Variants in ZBTB49 observed in about 807,000 individuals in gnomAD.
The protein encoded by ZBTB49 is zinc finger and BTB domain containing 49, also known as zinc finger and BTB domain-containing protein 49.
Under a neutral mutation model 57.5 loss-of-function variants are expected in ZBTB49, and 43 were observed. The observed-to-expected ratio is 0.75, with a 90% confidence interval of 0.59 to 0.97. The LOEUF is 0.97. ZBTB49 is among the 50% of genes least tolerant of loss of function. ZBTB49 has a pLI of 0.00. For synonymous variants in ZBTB49, 369 were observed against 362.1 expected (o/e 1.02, Z -0.22); for missense variants, 938 against 947.7 (o/e 0.99, Z 0.13).
chr4:4,321,595 G>T lies in ZBTB49; in HGVS notation c.*279G>T. 2.0e-6 allele frequency: 1 copy of T among 502,056 alleles called. No individual in the cohort carries two copies. The highest frequency in any genetic ancestry group is 3.5e-6 in the Non-Finnish European group (1 of 282,248). 31.1% of individuals were successfully genotyped at this position (502,056 alleles called of 1,614,324 possible). On this transcript the variant is annotated 3_prime_UTR_variant, in exon 8 of 8. Coordinates refer to ENST00000337872, the MANE Select transcript of ZBTB49 (RefSeq NM_145291.4). ...GCAGCCTCAGCTGTGGGGGGGAAGC[G>T]CGTGTGCATCGTGTCAACTACTGTA... is the stretch of plus-strand genomic sequence containing the variant.
intron 5 of ZBTB49, among the ~76,000 whole-genome samples, chr4:4,315,413 G>A (rs1273861510): frequency 6.6e-6 from 1 of 152,046 alleles, no homozygotes; most frequent in African/African-American, 2.4e-5. Context: ...AAATCAGGTA[G>A]AAAAAAATGC....
chr4:4,299,274 A>C lies in ZBTB49; in HGVS notation c.-19-653A>C, dbSNP rs553254476. Reference sequence around the variant, plus strand: ...TTCCCTTCCTTCAGGCATCTGACCAAGTAGCCTCTTAGGGAGGCACAAAGG... The same window carrying C: ...TTCCCTTCCTTCAGGCATCTGACCACGTAGCCTCTTAGGGAGGCACAAAGG... On this transcript the variant is annotated intron_variant, in intron 1 of 7. Transcript: ENST00000337872. Among the ~76,000 whole-genome samples, 6 of 151,050 alleles carry C rather than the reference A, an allele frequency of 4.0e-5. No homozygotes were observed. In the East Asian group the frequency reaches 1.5e-3, roughly 37 times the overall value.
At chr4:4,316,986 C>T (rs767612882) in intron 7 of ZBTB49, among the ~76,000 whole-genome samples, 3 of 152,194 alleles carry the variant, frequency 2.0e-5, no homozygotes, top group African/African-American at 4.8e-5. Context: ...TGCAGTGAGC[C>T]GAGATTGCAC....
intron 4 of ZBTB49, among the ~76,000 whole-genome samples, chr4:4,308,279 A>T (rs1232623060): frequency 6.6e-6 from 1 of 152,130 alleles, no homozygotes; most frequent in East Asian, 1.9e-4. Context: ...GGGTTTCACC[A>T]TGTTGGCCAG....
At chr4:4,299,771 A>G (rs1232847263) in intron 1 of ZBTB49, among the ~76,000 whole-genome samples, 156 bp from the exon 2 acceptor site, 1 of 114,612 alleles carries the variant, frequency 8.7e-6, no homozygotes, top group East Asian at 2.5e-4. Context: ...TGCCTCAGAA[A>G]CAGAGGTGTG....
At chr4:4,318,416 G>C (rs1386594083) in intron 7 of ZBTB49, among the ~76,000 whole-genome samples, 3 of 152,162 alleles carry the variant, frequency 2.0e-5, no homozygotes, top group African/African-American at 7.2e-5. Context: ...AGGAGTTTGA[G>C]ACCAGCCTGG....
chr4:4,314,157 C>T (rs1285471213), intron 5 of ZBTB49, among the ~76,000 whole-genome samples: 6 of 152,318 alleles, frequency 3.9e-5, no homozygotes, highest in African/African-American at 1.2e-4. Flanking sequence ...CGGCGGGCAG[C>T]GCATCTCCCT....
chr4:4,318,354 G>A (rs571500863), intron 7 of ZBTB49, among the ~76,000 whole-genome samples: 86 of 152,306 alleles, frequency 5.6e-4, no homozygotes, highest in Non-Finnish European at 1.0e-3. Flanking sequence ...GGTGGCTCAC[G>A]CCTGTAATCC....
intron 1 of ZBTB49, among the ~76,000 whole-genome samples, chr4:4,296,420 G>T (rs541482159): frequency 9.2e-5 from 14 of 152,288 alleles, no homozygotes; most frequent in African/African-American, 3.4e-4. Context: ...TCTTTCCCAC[G>T]CTGTTCTCAT....
intron 7 of ZBTB49, 136 bp from the exon 8 acceptor site, chr4:4,320,504 G>A (rs888128370): frequency 1.0e-6 from 1 of 976,746 alleles, no homozygotes. Flanking sequence ...GCCAGGCGTG[G>A]TGTCATGCGC....
intron 1 of ZBTB49, among the ~76,000 whole-genome samples, chr4:4,293,957 C>T (rs958787945): frequency 5.3e-5 from 8 of 152,252 alleles, no homozygotes; most frequent in African/African-American, 1.9e-4. Flanking sequence ...GACTCCACTA[C>T]CCCATGGGAG....
chr4:4,299,808 TGTGA>T (rs1553803895), intron 1 of ZBTB49, 115 bp from the exon 2 acceptor site: 3 of 711,832 alleles, frequency 4.2e-6, no homozygotes, highest in Admixed American at 5.2e-5. Flanking sequence ...TGTGTGTGTG[TGTGA>T]GAGAGAAACT....
At chr4:4,303,465 T>G (rs1041747038) in intron 3 of ZBTB49, among the ~76,000 whole-genome samples, 1 of 152,198 alleles carries the variant, frequency 6.6e-6, no homozygotes, top group Non-Finnish European at 1.5e-5. Flanking sequence ...ATTAAGCTTA[T>G]TTTTTGAAAG....
At position 4,299,778 on chromosome 4, in the gene ZBTB49, TGTGTG is replaced by T. The variant is rs1560106240; in HGVS notation, c.-19-148_-19-144del. On this transcript the variant is annotated intron_variant, in intron 1 of 7. Coordinates refer to ENST00000337872, the MANE Select transcript of ZBTB49 (RefSeq NM_145291.4). ...GGTCTAGATGCCTCAGAAACAGAGGTGTGTGTGTGTGTGTGTGTGTGTGTGTGTGT... is the reference window on the plus strand; with the variant it reads ...GGTCTAGATGCCTCAGAAACAGAGGTTGTGTGTGTGTGTGTGTGTGTGTGT... 1,196 of 516,354 alleles carry T rather than the reference TGTGTG, an allele frequency of 2.3e-3. 18 individuals are homozygous for T. Among genetic ancestry groups the T allele is most frequent in the Non-Finnish European group, 3.3e-3 (978 of 295,782 alleles). 32.0% of individuals were successfully genotyped at this position (516,354 alleles called of 1,614,324 possible).
chr4:4,320,462 AC>A (rs1162540165), intron 7 of ZBTB49, among the ~76,000 whole-genome samples, 177 bp from the exon 8 acceptor site: 1 of 151,854 alleles, frequency 6.6e-6, no homozygotes, highest in Non-Finnish European at 1.5e-5. Flanking sequence ...TCATAGCAAG[AC>A]CCTGTCTCTA....
At chr4:4,297,270 A>T (rs1391200960) in intron 1 of ZBTB49, among the ~76,000 whole-genome samples, 1 of 152,208 alleles carries the variant, frequency 6.6e-6, no homozygotes, top group Non-Finnish European at 1.5e-5. Context: ...GGGTTTCACC[A>T]TGTTGGCCAG....
chr4:4,299,830 G>A (rs1242766964), intron 1 of ZBTB49, 97 bp from the exon 2 acceptor site: 3 of 1,077,802 alleles, frequency 2.8e-6, no homozygotes, highest in Admixed American at 2.1e-5. Context: ...ACTGTGATGA[G>A]AGAGTGAAGC....
intron 7 of ZBTB49, among the ~76,000 whole-genome samples, chr4:4,317,895 C>A (rs1353424027): frequency 6.6e-6 from 1 of 152,180 alleles, no homozygotes; most frequent in East Asian, 1.9e-4. Flanking sequence ...TCTTTCCTGG[C>A]TCTCTGGTTT....
chr4:4,307,950 G>A (rs2916458), intron 4 of ZBTB49, among the ~76,000 whole-genome samples: 124,042 of 152,142 alleles, frequency 0.82, 50,682 homozygotes, highest in Admixed American at 0.84. Flanking sequence ...GACCATATAA[G>A]TTAAAACCCG....
Sources: allele counts gnomAD v4.1 joint callset (sites outside exome capture counted in the v4.1 genomes callset), GRCh38; gene constraint gnomAD v4.1.1; transcripts MANE v1.5; gene names NCBI Gene and HGNC (gene_info 2026-07-23, HGNC 2026-07-21).